Variants in LCORL observed in about 807,000 individuals in gnomAD.
The protein encoded by LCORL is ligand-dependent nuclear receptor corepressor-like protein.
In LCORL, 41 loss-of-function variants were observed where a neutral mutation model predicts 141.8. The ratio of observed to expected loss-of-function variants is 0.29; its 90% confidence interval spans 0.23 to 0.38. The LOEUF (loss-of-function observed/expected upper bound fraction) is 0.38, where lower values mean the gene tolerates loss of function less well. Ranked by LOEUF, LCORL falls within the 10% of genes least tolerant of loss-of-function variation. The pLI is 1.00. For synonymous variants in LCORL, 618 were observed against 694.1 expected (o/e 0.89, Z 1.72); for missense variants, 1,759 against 2,035.0 (o/e 0.86, Z 2.61).
At chr4:17,973,763 A>G (rs569394209) in intron 1 of LCORL, among the ~76,000 whole-genome samples, 1 of 152,102 alleles carries the variant, frequency 6.6e-6, no homozygotes, top group African/African-American at 2.4e-5. Context: ...ACTTCTATAG[A>G]AATATTTCAT....
At position 17,865,521 on chromosome 4, in the gene LCORL, A is replaced by C. The variant is rs543598574; in HGVS notation, c.5602+7867T>G. ...ATGTCTCTAAATAATCCATGGGCTAAAGAAAAAATCACAAGAGAAATTAGA... is the reference window on the plus strand; with the variant it reads ...ATGTCTCTAAATAATCCATGGGCTACAGAAAAAATCACAAGAGAAATTAGA... On this transcript the variant is annotated intron_variant, in intron 7 of 7. Transcript: ENST00000635767. Among the ~76,000 whole-genome samples the C allele has an allele frequency of 4.6e-5, 7 of 152,330 alleles. No homozygotes were observed. The East Asian group carries it at 1.4e-3, about 29-fold the overall frequency.
At chr4:17,900,588 C>T (rs1008704137) in intron 5 of LCORL, among the ~76,000 whole-genome samples, 3 of 151,954 alleles carry the variant, frequency 2.0e-5, no homozygotes, top group African/African-American at 7.3e-5. Flanking sequence ...TGCTGACAGG[C>T]ATATTTGGAA....
intron 1 of LCORL, among the ~76,000 whole-genome samples, chr4:17,978,226 G>C (rs1025059129): frequency 6.6e-6 from 1 of 152,152 alleles, no homozygotes; most frequent in East Asian, 1.9e-4. Flanking sequence ...TACATTGTGA[G>C]TGCTGGGTTC....
Position 17,954,905 on chromosome 4 carries a change from C to A in LCORL, c.430+6998G>T, listed in dbSNP as rs112987970. Among the ~76,000 whole-genome samples the A allele has an allele frequency of 7.8e-3, 1,181 of 152,140 alleles. 11 individuals carry two copies. The highest frequency in any genetic ancestry group is 0.027 in the African/African-American group (1,117 of 41,490). On this transcript the variant is annotated intron_variant, in intron 4 of 7. Transcript: ENST00000635767. ...GTTTTAGACAGGTCATTGTGGGATG[C>A]CTATTAGCCACTGTAGTGAAGAATT...
intron 1 of LCORL, among the ~76,000 whole-genome samples, chr4:17,981,725 A>G (rs1718022179): frequency 6.6e-6 from 1 of 152,096 alleles, no homozygotes; most frequent in Admixed American, 6.6e-5. Flanking sequence ...CCTGGATGAC[A>G]GGCTAGAGTC....
At chr4:17,892,489 C>A (rs1369188905) in intron 5 of LCORL, among the ~76,000 whole-genome samples, 1 of 152,092 alleles carries the variant, frequency 6.6e-6, no homozygotes, top group African/African-American at 2.4e-5. Flanking sequence ...GGATTACAGG[C>A]ATGAACCACC....
intron 1 of LCORL, among the ~76,000 whole-genome samples, chr4:17,975,012 T>C (rs1254363375): frequency 1.3e-5 from 2 of 152,120 alleles, no homozygotes; most frequent in South Asian, 2.1e-4. Context: ...TTGATCTTTT[T>C]ACAAAAGATC....
At chr4:17,992,113 AC>A (rs1720134790) in intron 1 of LCORL, among the ~76,000 whole-genome samples, 2 of 152,184 alleles carry the variant, frequency 1.3e-5, no homozygotes, top group South Asian at 4.1e-4. Flanking sequence ...AATACCCATG[AC>A]TGGGTAATTT....
chr4:17,842,291 G>A (rs201406280), exon 8 of LCORL: 1 of 1,606,956 alleles, frequency 6.2e-7, no homozygotes, highest in Admixed American at 1.7e-5. Flanking sequence ...TCCTGATAAT[G>A]AATTATACTA....
chr4:17,882,029 T>A, intron 6 of LCORL: 1 of 982,768 alleles, frequency 1.0e-6, no homozygotes, highest in Non-Finnish European at 1.2e-6. Flanking sequence ...GTAACATTAA[T>A]AGCTGAAGAG....
chr4:17,875,066 G>A, exon 7 of LCORL: 1 of 1,233,606 alleles, frequency 8.1e-7, no homozygotes, highest in Non-Finnish European at 1.0e-6. Flanking sequence ...CAGCTTCAGT[G>A]TGCCTTATTT....
chr4:17,846,396 A>AATCAAGACCTC (rs1722940240), intron 7 of LCORL, among the ~76,000 whole-genome samples: 1 of 152,152 alleles, frequency 6.6e-6, no homozygotes, highest in East Asian at 1.9e-4. Context: ...TCTGAGAGTT[A>AATCAAGACCTC]AGTACAAATA....
At chr4:17,910,720 T>C (rs566946639) in intron 4 of LCORL, among the ~76,000 whole-genome samples, 16 of 152,272 alleles carry the variant, frequency 1.1e-4, no homozygotes, top group Admixed American at 2.0e-4. Context: ...ATTGTCACAT[T>C]TGGTAGCAAA....
intron 2 of LCORL, among the ~76,000 whole-genome samples, chr4:17,964,359 T>G (rs1714436362): frequency 6.6e-6 from 1 of 152,220 alleles, no homozygotes; most frequent in Middle Eastern, 3.4e-3. Flanking sequence ...AACTTATTTA[T>G]GGATTAAATG....
At chr4:18,011,867 T>C (rs1723859266) in intron 1 of LCORL, among the ~76,000 whole-genome samples, 1 of 152,220 alleles carries the variant, frequency 6.6e-6, no homozygotes, top group African/African-American at 2.4e-5. Flanking sequence ...CCTCAATGTT[T>C]TGAAGCCTAG....
At position 17,884,348 on chromosome 4, in the gene LCORL, A is replaced by T. The variant is rs905535380; in HGVS notation, c.776+1720T>A. ...TTGGAGGCTTTCATTTTTTTCTTTAAACTGAGTGACCATTTTCTGTAGAGT... is the reference window on the plus strand; with the variant it reads ...TTGGAGGCTTTCATTTTTTTCTTTATACTGAGTGACCATTTTCTGTAGAGT... On this transcript the variant is annotated intron_variant, in intron 6 of 7. Transcript: ENST00000635767. This position sits in a 1 kb window ranked among gnomAD's most constrained non-coding sequence, Gnocchi z 4.4. 3.9e-6 allele frequency: 6 copies of T among 1,546,452 alleles called. No individual in the cohort carries two copies. The Admixed American group carries it at 1.2e-4, about 31-fold the overall frequency.
intron 6 of LCORL, among the ~76,000 whole-genome samples, chr4:17,885,772 A>G (rs1231645472): frequency 6.6e-6 from 1 of 151,952 alleles, no homozygotes; most frequent in Non-Finnish European, 1.5e-5. Flanking sequence ...CGTCCTGAGT[A>G]TTTAATTTAA....
At chr4:17,934,039 T>C (rs1019414209) in intron 4 of LCORL, among the ~76,000 whole-genome samples, 1 of 152,072 alleles carries the variant, frequency 6.6e-6, no homozygotes, top group Non-Finnish European at 1.5e-5. Flanking sequence ...ATTTTAAGAC[T>C]CTTCCTTTTT....
At position 17,886,165 on chromosome 4, in the gene LCORL, T is replaced by C. The variant is rs1030013479; in HGVS notation, c.683-4A>G. The C allele has an allele frequency of 1.1e-5, 17 of 1,533,340 alleles. No homozygotes were observed. The highest frequency in any genetic ancestry group is 1.5e-5 in the Non-Finnish European group (17 of 1,118,744). 95.0% of individuals were successfully genotyped at this position (1,533,340 alleles called of 1,614,324 possible). A position where few individuals can be genotyped will look rare whatever the true frequency, so the allele number is the denominator to read the frequency against. On this transcript the variant is annotated splice_region_variant and splice_polypyrimidine_tract_variant and intron_variant, in intron 5 of 7. Coordinates refer to ENST00000635767, the Ensembl canonical transcript of LCORL. ...GAGAGATCTAACACTCCATCCCCTA[T>C]AATTTTTGCAAGAGAAAAAACTTTA... is the stretch of plus-strand genomic sequence containing the variant.
Sources: gnomAD v4.1 joint callset for allele counts (sites outside exome capture counted in the v4.1 genomes callset) on GRCh38, gnomAD v4.1.1 for gene constraint, Gnocchi (gnomAD v3.1) non-coding constraint, MANE v1.5 for transcripts, NCBI Gene and HGNC (gene_info 2026-07-23, HGNC 2026-07-21) for gene names.